PCNX1: variants seen among roughly 807,000 people sequenced by gnomAD.
The protein encoded by PCNX1 is pecanex-like protein 1.
In PCNX1, 78 loss-of-function variants were observed where a neutral mutation model predicts 242.2. The observed-to-expected ratio is 0.32, with a 90% confidence interval of 0.27 to 0.39. PCNX1 has a LOEUF of 0.39. Ranked by LOEUF, PCNX1 falls within the 10% of genes least tolerant of loss-of-function variation. PCNX1 has a pLI of 1.00. For missense variants in PCNX1, 2,581 were observed against 2,856.5 expected (o/e 0.90, Z 2.20); for synonymous variants, 1,024 against 1,032.9 (o/e 0.99, Z 0.17).
chr14:70,979,749 T>C (rs1229626278), intron 6 of PCNX1, among the ~76,000 whole-genome samples: 1 of 152,164 alleles, frequency 6.6e-6, no homozygotes, highest in Non-Finnish European at 1.5e-5. Flanking sequence ...AAGTCCATAT[T>C]GTGGTAAACA....
chr14:71,000,742 T>C (rs1176985249), intron 8 of PCNX1, among the ~76,000 whole-genome samples: 2 of 152,126 alleles, frequency 1.3e-5, no homozygotes, highest in Non-Finnish European at 2.9e-5. Flanking sequence ...GCCAGGCTGG[T>C]CTCGAGCTCC....
At chr14:70,910,569 C>T (rs922344151) in intron 1 of PCNX1, among the ~76,000 whole-genome samples, 17 of 152,236 alleles carry the variant, frequency 1.1e-4, no homozygotes, top group African/African-American at 4.1e-4. Context: ...CCACTTTTTG[C>T]AGGTTCTCAT....
At chr14:71,019,207 T>G (rs71425296) in intron 12 of PCNX1, 45 bp downstream of exon 12, 1 of 1,479,758 alleles carries the variant, frequency 6.8e-7, no homozygotes, top group South Asian at 1.3e-5. Context: ...ATATTTGTGT[T>G]AAAAGGCAGA....
At chr14:71,036,670 T>G (rs1309019331) in intron 19 of PCNX1, among the ~76,000 whole-genome samples, 1 of 152,214 alleles carries the variant, frequency 6.6e-6, no homozygotes, top group Non-Finnish European at 1.5e-5. Flanking sequence ...TGACATTGCC[T>G]AAACACACAT....
intron 1 of PCNX1, among the ~76,000 whole-genome samples, chr14:70,914,867 G>A (rs572089904): frequency 1.3e-5 from 2 of 152,274 alleles, no homozygotes; most frequent in African/African-American, 4.8e-5. Flanking sequence ...AAATGCACAC[G>A]TTTGCGTAGT....
At chr14:71,011,806 T>TA (rs1377433259) in intron 10 of PCNX1, 3 of 393,058 alleles carry the variant, frequency 7.6e-6, no homozygotes, top group African/African-American at 2.1e-5. Context: ...TGTCAATGCT[T>TA]AGAGATAGAA....
intron 7 of PCNX1, among the ~76,000 whole-genome samples, chr14:70,990,401 TAAAAAA>T (rs71105756): frequency 6.9e-6 from 1 of 144,740 alleles, no homozygotes. Flanking sequence ...CTACTAAAAA[TAAAAAA>T]AAAAAAATTA....
At chr14:70,953,284 A>T (rs74785992) in intron 2 of PCNX1, among the ~76,000 whole-genome samples, 1,773 of 152,082 alleles carry the variant, frequency 0.012, 32 homozygotes, top group African/African-American at 0.041. Flanking sequence ...GTCTTGAAAA[A>T]ATTTGCCATT....
chr14:71,073,274 G>A (rs2061631267), intron 26 of PCNX1, among the ~76,000 whole-genome samples: 1 of 152,344 alleles, frequency 6.6e-6, no homozygotes, highest in Non-Finnish European at 1.5e-5. Context: ...CTCCAGCCTG[G>A]GCTACAGAGG....
intron 8 of PCNX1, among the ~76,000 whole-genome samples, chr14:71,004,972 G>A (rs1413814199): frequency 1.3e-5 from 2 of 151,992 alleles, no homozygotes; most frequent in African/African-American, 4.8e-5. Context: ...TGCCCTATGA[G>A]TAATACTTAA....
rs1208796278 is a variant in PCNX1 at position 71,017,924 on chromosome 14, A to G, written c.2997-1085A>G. On this transcript the variant is annotated intron_variant, in intron 11 of 35. Coordinates refer to ENST00000304743, the MANE Select transcript of PCNX1 (RefSeq NM_014982.3). ...TTAGGCCCAGTTGATTGTGATAAAT[A>G]TGGAATTGGGTTAATATATTTGTTA... Among the ~76,000 whole-genome samples the G allele has an allele frequency of 2.0e-5, 3 of 152,348 alleles. No homozygotes were observed. The East Asian group carries it at 5.8e-4, about 29-fold the overall frequency.
chr14:70,940,055 C>T (rs1166079701), intron 1 of PCNX1, among the ~76,000 whole-genome samples: 2 of 152,178 alleles, frequency 1.3e-5, no homozygotes, highest in Non-Finnish European at 2.9e-5. Flanking sequence ...GAATGCAGCG[C>T]ACACTGATGG....
rs754052577 is a variant in PCNX1 at position 70,978,660 on chromosome 14, G to C, written c.2311+12G>C. ...TGCAGTCAGTGGAGGTAAGTAAACT[G>C]TAAGAAGAGATTTCTGTAAGACTCA... On this transcript the variant is annotated intron_variant, in intron 6 of 35. Transcript: ENST00000304743. The C allele has an allele frequency of 1.6e-5, 26 of 1,589,788 alleles. No homozygotes were observed. The East Asian group carries it at 5.8e-4, about 36-fold the overall frequency.
intron 10 of PCNX1, 53 bp from the exon 11 acceptor site, chr14:71,012,932 A>G: frequency 2.7e-6 from 3 of 1,102,178 alleles, no homozygotes; most frequent in Non-Finnish European, 4.2e-6. Context: ...GAATAAACAT[A>G]TTAAATAAAT....
rs375110711 is a variant in PCNX1, at chr14:71,004,071, C to T, written c.2630-5563C>T. Among the ~76,000 whole-genome samples the T allele has an allele frequency of 2.3e-4, 35 of 152,326 alleles. No homozygotes were observed. The South Asian group carries it at 6.8e-3, about 30-fold the overall frequency. ...ACCACCGCCTGTGGGCTAAGTCCAGCTCTATACCTACCTGTTTTTGTAAAT... is the reference window on the plus strand; with the variant it reads ...ACCACCGCCTGTGGGCTAAGTCCAGTTCTATACCTACCTGTTTTTGTAAAT... On this transcript the variant is annotated intron_variant, in intron 8 of 35. Coordinates refer to ENST00000304743, the MANE Select transcript of PCNX1 (RefSeq NM_014982.3).
At chr14:71,077,076 C>T (rs2061736073) in intron 28 of PCNX1, among the ~76,000 whole-genome samples, 1 of 152,174 alleles carries the variant, frequency 6.6e-6, no homozygotes, top group Non-Finnish European at 1.5e-5. Flanking sequence ...ACCTGCAAGA[C>T]TCTGATCTAG....
intron 30 of PCNX1, among the ~76,000 whole-genome samples, chr14:71,099,219 C>T (rs905888746): frequency 1.4e-5 from 2 of 145,606 alleles, no homozygotes; most frequent in African/African-American, 2.6e-5. Flanking sequence ...AGTGCAGTGG[C>T]GTGATCTCGG....
intron 11 of PCNX1, among the ~76,000 whole-genome samples, chr14:71,017,683 AAAGAC>A: frequency 6.6e-6 from 1 of 152,320 alleles, no homozygotes; most frequent in East Asian, 1.9e-4. Context: ...TTAAAAATCC[AAAGAC>A]AAGACATGTT....
chr14:71,036,000 A>G lies in PCNX1; in HGVS notation c.3775-65A>G, dbSNP rs554539371. The G allele has an allele frequency of 6.0e-5, 65 of 1,082,886 alleles. 1 individual carries two copies. The African/African-American group carries it at 9.5e-4, about 16-fold the overall frequency. 67.1% of individuals were successfully genotyped at this position (1,082,886 alleles called of 1,614,324 possible). A position where few individuals can be genotyped will look rare whatever the true frequency, so the allele number is the denominator to read the frequency against. ...TAATTCTTAAACTTTGCCAATTGGG[A>G]ATAAAGGAAAAAGATTTTTAAAAAT... On this transcript the variant is annotated intron_variant, in intron 18 of 35. Transcript: ENST00000304743.
Sources: allele counts gnomAD v4.1 joint callset (sites outside exome capture counted in the v4.1 genomes callset), GRCh38; gene constraint gnomAD v4.1.1; transcripts MANE v1.5; gene names NCBI Gene and HGNC (gene_info 2026-07-23, HGNC 2026-07-21).